FHIT: variants seen among roughly 807,000 people sequenced by gnomAD.
FHIT encodes the protein fragile histidine triad diadenosine triphosphatase.
A neutral mutation model predicts 17.9 loss-of-function variants in FHIT; 19 were observed. The ratio of observed to expected loss-of-function variants is 1.06; its 90% CI spans 0.74 to 1.56. The LOEUF is 1.56. Among genes scored for constraint, FHIT ranks in the 40% most tolerant of loss-of-function variants. The pLI is 0.00. For synonymous variants in FHIT, 81 were observed against 69.7 expected, an observed-to-expected ratio of 1.16 and a Z score of -0.81; for missense variants, 248 against 189.2, an observed-to-expected ratio of 1.31 and a Z score of -1.82.
chr3:60,197,804 C>A (rs1053350624), intron 5 of FHIT, among the ~76,000 whole-genome samples: 23 of 152,144 alleles, frequency 1.5e-4, no homozygotes, highest in African/African-American at 5.5e-4. Flanking sequence ...CACAAACCTA[C>A]CCACTACTAT....
intron 4 of FHIT, chr3:60,553,326 C>G: frequency 1.2e-6 from 1 of 804,082 alleles, no homozygotes; most frequent in Non-Finnish European, 1.5e-6. Flanking sequence ...TCTAAGAAAC[C>G]TACCTATGAC....
chr3:61,001,272 A>G (rs545747138), intron 3 of FHIT, among the ~76,000 whole-genome samples: 11 of 152,366 alleles, frequency 7.2e-5, no homozygotes, highest in East Asian at 5.8e-4. Flanking sequence ...AACAAAAAAT[A>G]AATTTGCTAT....
chr3:60,212,977 C>T (rs1455874424), intron 5 of FHIT, among the ~76,000 whole-genome samples: 1 of 152,106 alleles, frequency 6.6e-6, no homozygotes, highest in African/African-American at 2.4e-5. Context: ...ATGTTTAATA[C>T]TGAGATGCTT....
chr3:60,680,065 G>A (rs1452522779), intron 4 of FHIT, among the ~76,000 whole-genome samples: 1 of 152,134 alleles, frequency 6.6e-6, no homozygotes, highest in Non-Finnish European at 1.5e-5. Context: ...AGTATGTTGT[G>A]CACATTCCCC....
intron 5 of FHIT, among the ~76,000 whole-genome samples, chr3:60,250,799 C>T (rs940747984): frequency 2.0e-5 from 3 of 152,244 alleles, no homozygotes; most frequent in South Asian, 2.1e-4. Context: ...GATTTTCAAT[C>T]GACAATGAGA....
rs1017979516 is a variant in FHIT at position 60,716,930 on chromosome 3, A to C, written c.-18+104989T>G. ...ATTGACCAGACCATTGTTAAGTGGC[A>C]CATGACTGTATATACAATGGAATAC... On this transcript the variant is annotated intron_variant, in intron 4 of 9. Transcript: ENST00000492590. Among the ~76,000 whole-genome samples the C allele has an allele frequency of 6.6e-5, 10 of 152,346 alleles. 1 individual carries two copies. In the Middle Eastern group the frequency reaches 0.014, roughly 207 times the overall value.
chr3:60,042,634 C>T (rs1701487779), intron 5 of FHIT, among the ~76,000 whole-genome samples: 1 of 152,092 alleles, frequency 6.6e-6, no homozygotes, highest in African/African-American at 2.4e-5. Context: ...CTAGGGCCCA[C>T]CCCAGTGACC....
chr3:59,863,742 G>C (rs1226290230), intron 8 of FHIT, among the ~76,000 whole-genome samples: 4 of 152,166 alleles, frequency 2.6e-5, no homozygotes, highest in Non-Finnish European at 4.4e-5. Flanking sequence ...TCTTATAAAG[G>C]ATAAAAAAAG....
At chr3:61,114,143 T>C (rs1302299961) in intron 2 of FHIT, among the ~76,000 whole-genome samples, 1 of 152,164 alleles carries the variant, frequency 6.6e-6, no homozygotes, top group Non-Finnish European at 1.5e-5. Context: ...TCCCTTTCCA[T>C]TCTCTATTTA....
chr3:60,431,111 T>C (rs4679536), intron 5 of FHIT, among the ~76,000 whole-genome samples: 20,495 of 151,304 alleles, frequency 0.14, 1,633 homozygotes, highest in Admixed American at 0.26. Flanking sequence ...ACTTGGGAGC[T>C]GAGACAGAAG....
intron 3 of FHIT, among the ~76,000 whole-genome samples, chr3:60,850,552 C>A (rs1444615042): frequency 5.3e-5 from 8 of 151,888 alleles, no homozygotes; most frequent in African/African-American, 1.9e-4. Context: ...TGCTTGTTGC[C>A]CATCCCTACC....
intron 7 of FHIT, 78 bp downstream of exon 7, chr3:60,011,293 G>T: frequency 1.5e-6 from 2 of 1,327,392 alleles, no homozygotes; most frequent in Non-Finnish European, 2.2e-6. Context: ...GCAATGTGCT[G>T]CATATGACTC....
intron 8 of FHIT, among the ~76,000 whole-genome samples, chr3:59,773,140 T>G (rs1256895626): frequency 1.3e-5 from 2 of 152,208 alleles, no homozygotes; most frequent in Non-Finnish European, 2.9e-5. Flanking sequence ...GAAATCTTAT[T>G]CTGTAAGGCC....
intron 5 of FHIT, among the ~76,000 whole-genome samples, chr3:60,436,958 C>G (rs192156526): frequency 6.6e-5 from 10 of 152,182 alleles, no homozygotes; most frequent in Non-Finnish European, 1.0e-4. Flanking sequence ...ACACAGCCTA[C>G]AGGAAAAGAT....
At chr3:60,592,737 C>T (rs1244788822) in intron 4 of FHIT, among the ~76,000 whole-genome samples, 1 of 152,110 alleles carries the variant, frequency 6.6e-6, no homozygotes, top group Non-Finnish European at 1.5e-5. Flanking sequence ...TGTAATCCTT[C>T]CTCTAGGCAG....
chr3:60,166,046 T>C (rs1195840947), intron 5 of FHIT, among the ~76,000 whole-genome samples: 3 of 152,156 alleles, frequency 2.0e-5, no homozygotes, highest in Non-Finnish European at 4.4e-5. Flanking sequence ...CTCACATTCA[T>C]CAAGGAAAGG....
In FHIT at chr3:60,779,486, T is replaced by C. The variant is rs116362660; in HGVS notation, c.-18+42433A>G. 9.6e-3 allele frequency among the ~76,000 whole-genome samples: 1,467 copies of C among 152,202 alleles called. 27 individuals are homozygous for C. The highest frequency in any genetic ancestry group is 0.033 in the African/African-American group (1,375 of 41,528). On this transcript the variant is annotated intron_variant, in intron 4 of 9. Transcript: ENST00000492590. Reference sequence around the variant, plus strand: ...TGCCCATTACCAGGAGGTTTCCTTTTTGGGAAAGTAAGACCAAGTGAACTA... The same window carrying C: ...TGCCCATTACCAGGAGGTTTCCTTTCTGGGAAAGTAAGACCAAGTGAACTA...
intron 5 of FHIT, among the ~76,000 whole-genome samples, chr3:60,430,440 C>A (rs1037582300): frequency 6.6e-6 from 1 of 151,990 alleles, no homozygotes; most frequent in African/African-American, 2.4e-5. Context: ...TGTCTTACTT[C>A]TGAGCCAACT....
intron 5 of FHIT, among the ~76,000 whole-genome samples, chr3:60,064,864 C>T (rs1208612115): frequency 6.6e-6 from 1 of 152,178 alleles, no homozygotes; most frequent in Non-Finnish European, 1.5e-5. Context: ...ATTTACTTCT[C>T]ATTTAAAATG....
Sources: gnomAD v4.1 joint callset for allele counts (sites outside exome capture counted in the v4.1 genomes callset) on GRCh38, gnomAD v4.1.1 for gene constraint, MANE v1.5 for transcripts, NCBI Gene and HGNC (gene_info 2026-07-23, HGNC 2026-07-21) for gene names.